CCNF: variants seen among roughly 807,000 people sequenced by gnomAD.
The protein encoded by CCNF is cyclin F, also known as cyclin-F.
Under a neutral mutation model 85.4 loss-of-function variants are expected in CCNF, and 30 were observed. The observed-to-expected ratio is 0.35, with a 90% CI of 0.26 to 0.48. The LOEUF (loss-of-function observed/expected upper bound fraction) is 0.48. CCNF is among the 20% of genes least tolerant of loss of function. CCNF has a pLI of 0.99. For synonymous variants in CCNF, 439 were observed against 425.1 expected (o/e 1.03, Z -0.40); for missense variants, 919 against 1,010.4 (o/e 0.91, Z 1.23).
intron 8 of CCNF, among the ~76,000 whole-genome samples, chr16:2,443,290 G>T (rs888463932): frequency 6.6e-6 from 1 of 150,510 alleles, no homozygotes; most frequent in Non-Finnish European, 1.5e-5. Flanking sequence ...GATGAGGCAG[G>T]TGCTCCTATT....
chr16:2,437,079 A>G (rs760504975), intron 4 of CCNF, 50 bp from the exon 5 acceptor site: 1 of 1,443,150 alleles, frequency 6.9e-7, no homozygotes, highest in Non-Finnish European at 9.3e-7. Context: ...AGCTTTCCAC[A>G]TTCCGTCCCT....
chr16:2,430,714 C>A (rs2065258120), intron 1 of CCNF, among the ~76,000 whole-genome samples: 1 of 152,132 alleles, frequency 6.6e-6, no homozygotes, highest in Non-Finnish European at 1.5e-5. Context: ...ACATTATGCA[C>A]CTTGGTCACG....
At chr16:2,443,931 T>TC in intron 9 of CCNF, 131 bp downstream of exon 9, 1 of 789,434 alleles carries the variant, frequency 1.3e-6, no homozygotes, top group Non-Finnish European at 1.9e-6. Flanking sequence ...ACCCTTTTTT[T>TC]TTTTTTGAAG....
At chr16:2,431,082 T>C (rs1379777414) in intron 1 of CCNF, 48 bp from the exon 2 acceptor site, 11 of 1,588,276 alleles carry the variant, frequency 6.9e-6, no homozygotes, top group South Asian at 1.1e-5. Flanking sequence ...GGTGTGTATA[T>C]AGAATAATTT....
chr16:2,453,377 C>A lies in CCNF; in HGVS notation c.1588-33C>A. The A allele has an allele frequency of 6.2e-7, 1 of 1,613,730 alleles. No homozygotes were observed. The highest frequency in any genetic ancestry group is 8.5e-7 in the Non-Finnish European group (1 of 1,179,882). ...GTGTGGGCGGGCCTCACCCTCGGGG[C>A]CTCTGCACCCCCTAACTCTAGCTTC... On this transcript the variant is annotated intron_variant, in intron 14 of 16. Coordinates refer to ENST00000397066, the MANE Select transcript of CCNF (RefSeq NM_001761.3). The surrounding 1 kb of genome is among the most constrained non-coding windows in gnomAD (Gnocchi z 5.6).
chr16:2,445,257 T>A lies in CCNF; in HGVS notation c.930-201T>A, dbSNP rs2065355129. On this transcript the variant is annotated intron_variant, in intron 9 of 16. Coordinates refer to ENST00000397066, the MANE Select transcript of CCNF (RefSeq NM_001761.3). The stretch of plus-strand genomic sequence containing the variant: ...GCACCAGGAACACAGTCGAAGGATG[T>A]GGGGCCTGCTTTGGGGCTGGGACCC... The A allele has an allele frequency of 4.2e-5, 25 of 597,672 alleles. No homozygotes were observed. In the Admixed American group the frequency reaches 7.4e-4, roughly 18 times the overall value. The allele number at this position is 597,672 out of a possible 1,614,324, so 37.0% of individuals were successfully genotyped here.
At chr16:2,438,205 G>T (rs538085033) in intron 6 of CCNF, 82 bp downstream of exon 6, 3 of 1,112,768 alleles carry the variant, frequency 2.7e-6, no homozygotes, top group South Asian at 2.5e-5. Flanking sequence ...AGCAGCAGAA[G>T]GGGGTGTCCA....
chr16:2,450,868 A>AGAAC (rs905888264), intron 13 of CCNF, among the ~76,000 whole-genome samples: 1 of 152,200 alleles, frequency 6.6e-6, no homozygotes, highest in African/African-American at 2.4e-5. Context: ...TTCCCTTGAG[A>AGAAC]GAACAGCTTC....
chr16:2,442,208 C>T (rs2065327222), intron 8 of CCNF, among the ~76,000 whole-genome samples: 1 of 141,444 alleles, frequency 7.1e-6, no homozygotes, highest in Admixed American at 7.8e-5. Context: ...AGGGTTTCAC[C>T]ATGTTAGCCA....
intron 8 of CCNF, among the ~76,000 whole-genome samples, chr16:2,441,979 A>ATATATATG (rs2065325102): frequency 5.1e-5 from 5 of 97,770 alleles, no homozygotes; most frequent in Non-Finnish European, 1.1e-4. Flanking sequence ...ATATATATAT[A>ATATATATG]TATGTTTTTG....
At chr16:2,434,461 A>G (rs777682489) in intron 3 of CCNF, among the ~76,000 whole-genome samples, 1 of 152,110 alleles carries the variant, frequency 6.6e-6, no homozygotes, top group Non-Finnish European at 1.5e-5. Context: ...AAAAATACAA[A>G]AATTAGCTGG....
At chr16:2,446,154 G>A (rs1169825134) in intron 10 of CCNF, among the ~76,000 whole-genome samples, 2 of 152,186 alleles carry the variant, frequency 1.3e-5, no homozygotes, top group Non-Finnish European at 2.9e-5. Flanking sequence ...CGCTGTGTGG[G>A]GTGCCTGCAT....
chr16:2,433,696 C>T (rs544992192), intron 3 of CCNF, among the ~76,000 whole-genome samples: 1 of 152,372 alleles, frequency 6.6e-6, no homozygotes, highest in African/African-American at 2.4e-5. Context: ...AGCGATTCTC[C>T]TGCCTCAGCC....
At position 2,453,581 on chromosome 16, in the gene CCNF, C is replaced by A; in HGVS notation, c.1715+44C>A. On this transcript the variant is annotated intron_variant, in intron 15 of 16. Coordinates refer to ENST00000397066, the MANE Select transcript of CCNF (RefSeq NM_001761.3). This position sits in a 1 kb window ranked among gnomAD's most constrained non-coding sequence, Gnocchi z 5.6. ...TGGCTGCGCCATACAATGCTGGCAT[C>A]CTCGTGCCGGCCCAGTTCCCTCAGC... is the stretch of plus-strand genomic sequence containing the variant. 6 of 1,610,882 alleles carry A rather than the reference C, an allele frequency of 3.7e-6. No homozygotes were observed. Among genetic ancestry groups the A allele is most frequent in the Non-Finnish European group, 5.1e-6 (6 of 1,178,282 alleles).
At position 2,449,455 on chromosome 16, in the gene CCNF, C is replaced by T. The variant is rs147242999; in HGVS notation, c.1392C>T (p.His464=). 3.3e-4 allele frequency: 522 copies of T among 1,603,862 alleles called. 2 individuals carry two copies. In the African/African-American group the frequency reaches 5.7e-3, roughly 18 times the overall value. Residue 464 remains histidine, a synonymous_variant, in exon 12 of 17, where the codon CAC becomes CAT. Coordinates refer to ENST00000397066, the MANE Select transcript of CCNF (RefSeq NM_001761.3). ...CCCTGCTCCTGGCCAGACTGACGCACGGGCAGAGTAAGGAGTGGCCCTTCC... is the reference window on the plus strand; with the variant it reads ...CCCTGCTCCTGGCCAGACTGACGCATGGGCAGAGTAAGGAGTGGCCCTTCC... ...AAALLLARLT[H]GQTQPWTTQL... is the part of the protein sequence containing the mutation.
intron 3 of CCNF, among the ~76,000 whole-genome samples, chr16:2,433,948 T>C (rs2065275121): frequency 6.6e-6 from 1 of 152,206 alleles, no homozygotes; most frequent in African/African-American, 2.4e-5. Flanking sequence ...TTGGGCTGCT[T>C]CCAGGGGGAA....
At chr16:2,449,540 G>A (rs2065381926) in intron 12 of CCNF, 78 bp downstream of exon 12, 4 of 1,407,294 alleles carry the variant, frequency 2.8e-6, no homozygotes, top group South Asian at 2.6e-5. Context: ...GAGGAAAAGA[G>A]TCCAGCATCC....
chr16:2,439,637 A>G (rs962229203), intron 7 of CCNF, 112 bp from the exon 8 acceptor site: 8 of 1,006,950 alleles, frequency 7.9e-6, no homozygotes, highest in Non-Finnish European at 1.1e-5. Context: ...TGACTCCACC[A>G]TTTGAGAGAG....
chr16:2,456,083 C>A lies in CCNF; in HGVS notation c.1886-462C>A, dbSNP rs1484397955. ...GGCTGAGGTGGGAGGATCTCTTGAG[C>A]ACAGGAGGTGGGAGCTGCAGTGAGC... On this transcript the variant is annotated intron_variant, in intron 16 of 16. Transcript: ENST00000397066. The surrounding 1 kb of genome is among the most constrained non-coding windows in gnomAD (Gnocchi z 4.5). Among the ~76,000 whole-genome samples, 1 of 152,202 alleles carries A rather than the reference C, an allele frequency of 6.6e-6. No homozygotes were observed. Among genetic ancestry groups the A allele is most frequent in the Admixed American group, 6.5e-5 (1 of 15,282 alleles).
Sources: gnomAD v4.1 joint callset for allele counts (sites outside exome capture counted in the v4.1 genomes callset) on GRCh38, gnomAD v4.1.1 for gene constraint, Gnocchi (gnomAD v3.1) non-coding constraint, MANE v1.5 for transcripts, NCBI Gene and HGNC (gene_info 2026-07-23, HGNC 2026-07-21) for gene names.